Variants in KCNQ1 observed in about 807,000 individuals in gnomAD.
The protein encoded by KCNQ1 is potassium voltage-gated channel subfamily Q member 1, also known as potassium voltage-gated channel subfamily KQT member 1.
KCNQ1 carries 49 observed loss-of-function variants against 72.4 expected under a neutral mutation model. That is an observed-to-expected ratio of 0.68 (90% confidence interval 0.54 to 0.86). The LOEUF (loss-of-function observed/expected upper bound fraction) is 0.86. KCNQ1 is among the 40% of genes least tolerant of loss of function. The pLI, the probability that KCNQ1 is intolerant of heterozygous loss-of-function variation, is 0.00. For missense variants in KCNQ1, 790 were observed against 945.1 expected (o/e 0.84, Z 2.15); for synonymous variants, 450 against 412.6 (o/e 1.09, Z -1.10).
At position 2,579,444 on chromosome 11, in the gene KCNQ1, C is replaced by T. The variant is rs1848467608; in HGVS notation, c.922-3991C>T. On this transcript the variant is annotated intron_variant, in intron 6 of 15. Transcript: ENST00000155840. This position sits in a 1 kb window ranked among gnomAD's most constrained non-coding sequence, Gnocchi z 6.0. ...GGTGCCCTGGCAAGGAGCCACGGCC[C>T]AGGAGACAGACATGTGGATCTGCAT... Among the ~76,000 whole-genome samples the T allele has an allele frequency of 6.6e-6, 1 of 152,210 alleles. No homozygotes were observed. Among genetic ancestry groups the T allele is most frequent in the Non-Finnish European group, 1.5e-5 (1 of 68,038 alleles).
At chr11:2,618,453 A>C (rs1381337975) in intron 10 of KCNQ1, 1 of 398,482 alleles carries the variant, frequency 2.5e-6, no homozygotes, top group East Asian at 3.6e-5. Flanking sequence ...CATTTATGAG[A>C]GAGACTATCT....
intron 10 of KCNQ1, chr11:2,631,660 T>C: frequency 5.0e-6 from 2 of 398,582 alleles, no homozygotes; most frequent in African/African-American, 2.1e-5. Flanking sequence ...CTTGTTACAA[T>C]GAATTGAAAT....
chr11:2,804,824 G>A (rs1847340505), intron 15 of KCNQ1, among the ~76,000 whole-genome samples: 1 of 152,190 alleles, frequency 6.6e-6, no homozygotes, highest in African/African-American at 2.4e-5. Flanking sequence ...AACTGATGCT[G>A]CTGTTCATCC....
Position 2,527,923 on chromosome 11 carries a change from T to A in KCNQ1, c.387-5T>A, listed in dbSNP as rs794728549. On this transcript the variant is annotated splice_polypyrimidine_tract_variant and splice_region_variant and intron_variant, in intron 1 of 15. Coordinates refer to ENST00000155840, the MANE Select transcript of KCNQ1 (RefSeq NM_000218.3). ...GATGCTGACTGCCGTGTCCCTGTCT[T>A]GCAGCTTCCTCATCGTCCTGGTCTG... The A allele has an allele frequency of 1.9e-6, 3 of 1,613,864 alleles. No individual in the cohort carries two copies. Among genetic ancestry groups the A allele is most frequent in the Middle Eastern group, 3.3e-4 (2 of 6,062 alleles).
rs1848319199 is a variant in KCNQ1 at position 2,570,684 on chromosome 11, C to T, written c.534C>T (p.Ala178=). The change falls in exon 3 of 16, where the codon GCC becomes GCT. Residue 178 remains alanine, a synonymous_variant. Transcript: ENST00000155840. ...GTEYVVRLWS[A]GCRSKYVGLW... ...AGTACGTGGTCCGCCTCTGGTCCGC[C>T]GGCTGCCGCAGCAAGTACGTGGGCC... is the stretch of plus-strand genomic sequence containing the variant. 4.3e-6 allele frequency: 7 copies of T among 1,612,484 alleles called. No individual in the cohort carries two copies. Among genetic ancestry groups the T allele is most frequent in the Middle Eastern group, 1.7e-4 (1 of 6,060 alleles).
In KCNQ1 at chr11:2,670,092, CTG is replaced by C. The variant is rs1850153716; in HGVS notation, c.1514+8015_1514+8016del. The C allele has an allele frequency of 2.5e-6, 1 of 398,594 alleles. No individual in the cohort carries two copies. The highest frequency in any genetic ancestry group is 1.3e-4 in the South Asian group (1 of 7,866). 24.7% of individuals were successfully genotyped at this position (398,594 alleles called of 1,614,324 possible). On this transcript the variant is annotated intron_variant, in intron 11 of 15. Coordinates refer to ENST00000155840, the MANE Select transcript of KCNQ1 (RefSeq NM_000218.3). This position sits in a 1 kb window ranked among gnomAD's most constrained non-coding sequence, Gnocchi z 4.9. ...GGGGGTTGGAGGCAGAATCAGTGGA[CTG>C]TGTCTCATGGCAGTCACAGGTGCCC... is the stretch of plus-strand genomic sequence containing the variant.
In KCNQ1 at chr11:2,719,118, C is replaced by T. The variant is rs1207466125; in HGVS notation, c.1515-49726C>T. On this transcript the variant is annotated intron_variant, in intron 11 of 15. Transcript: ENST00000155840. ...CCAACCGCAGAGCACCATCTCCAGCCGTGTGCTCTCGGGTGCAGAGCTGAC... is the reference window on the plus strand; with the variant it reads ...CCAACCGCAGAGCACCATCTCCAGCTGTGTGCTCTCGGGTGCAGAGCTGAC... Among the ~76,000 whole-genome samples the T allele has an allele frequency of 3.3e-5, 5 of 152,278 alleles. No individual in the cohort carries two copies. In the South Asian group the frequency reaches 8.3e-4, roughly 25 times the overall value.
intron 10 of KCNQ1, among the ~76,000 whole-genome samples, chr11:2,604,864 C>T (rs529716706): frequency 1.3e-5 from 2 of 152,298 alleles, no homozygotes; most frequent in African/African-American, 4.8e-5. Flanking sequence ...TTTTGAAGAA[C>T]TGACCAATTA....
chr11:2,496,535 G>T (rs1303166775), intron 1 of KCNQ1, among the ~76,000 whole-genome samples: 5 of 18,046 alleles, frequency 2.8e-4, no homozygotes, highest in Admixed American at 8.8e-4. Flanking sequence ...TCCATTGCTT[G>T]GTAAATATTC....
At chr11:2,609,390 G>A in intron 10 of KCNQ1, 1 of 398,362 alleles carries the variant, frequency 2.5e-6, no homozygotes, top group Non-Finnish European at 4.4e-6. Context: ...AAGATACCTT[G>A]TATTATTTCA....
At chr11:2,718,911 G>C (rs1406059824) in intron 11 of KCNQ1, among the ~76,000 whole-genome samples, 1 of 152,224 alleles carries the variant, frequency 6.6e-6, no homozygotes, top group Non-Finnish European at 1.5e-5. Flanking sequence ...TGCACCTTAA[G>C]GTCAGGAAGT....
rs1849176105 is a variant in KCNQ1 at position 2,621,758 on chromosome 11, CTCTT to C, written c.1393+32909_1393+32912del. 9 of 398,122 alleles carry C rather than the reference CTCTT, an allele frequency of 2.3e-5. No individual in the cohort carries two copies. The South Asian group carries it at 3.8e-4, about 17-fold the overall frequency. 24.7% of individuals were successfully genotyped at this position (398,122 alleles called of 1,614,324 possible). A position where few individuals can be genotyped will look rare whatever the true frequency, so the allele number is the denominator to read the frequency against. On this transcript the variant is annotated intron_variant, in intron 10 of 15. Coordinates refer to ENST00000155840, the MANE Select transcript of KCNQ1 (RefSeq NM_000218.3). This position sits in a 1 kb window ranked among gnomAD's most constrained non-coding sequence, Gnocchi z 5.7. The stretch of plus-strand genomic sequence containing the variant: ...CTCCATTTTCATTTCTGATTTTGTC[CTCTT>C]TCTTAGTCCAAGAGTTTGTTGATTT...
At chr11:2,737,667 C>T (rs191977317) in intron 11 of KCNQ1, among the ~76,000 whole-genome samples, 7 of 152,322 alleles carry the variant, frequency 4.6e-5, no homozygotes, top group East Asian at 3.9e-4. Context: ...CGTGCTGACT[C>T]GGCCCTCGCA....
intron 11 of KCNQ1, among the ~76,000 whole-genome samples, chr11:2,718,317 C>G (rs1220023881): frequency 6.6e-6 from 1 of 152,226 alleles, no homozygotes; most frequent in Non-Finnish European, 1.5e-5. Context: ...CACTCCATCC[C>G]TAGCCCCAGA....
chr11:2,703,444 T>C lies in KCNQ1; in HGVS notation c.1514+41363T>C, dbSNP rs1850853923. 6.6e-6 allele frequency among the ~76,000 whole-genome samples: 1 copy of C among 152,168 alleles called. No individual in the cohort carries two copies. The highest frequency in any genetic ancestry group is 1.5e-5 in the Non-Finnish European group (1 of 68,030). ...TTCCTTGCACTCCCTCCAGCTTTAC[T>C]CTTTGGGGTTCAAAAGGTTCCCTTG... On this transcript the variant is annotated intron_variant, in intron 11 of 15. Transcript: ENST00000155840. This position sits in a 1 kb window ranked among gnomAD's most constrained non-coding sequence, Gnocchi z 6.4.
Position 2,495,386 on chromosome 11 carries a change from A to G in KCNQ1, c.387-32542A>G, listed in dbSNP as rs1846894612. ...TTTCTTGTCTTCTGCTAGCTTTTGA[A>G]TTTGTTTGCTCTTGCTTCTCTAGTT... On this transcript the variant is annotated intron_variant, in intron 1 of 15. Coordinates refer to ENST00000155840, the MANE Select transcript of KCNQ1 (RefSeq NM_000218.3). The surrounding 1 kb of genome is among the most constrained non-coding windows in gnomAD (Gnocchi z 4.6). 1.3e-5 allele frequency among the ~76,000 whole-genome samples: 2 copies of G among 151,756 alleles called. No homozygotes were observed. The highest frequency in any genetic ancestry group is 4.2e-4 in the South Asian group (2 of 4,804).
rs1186019361 is a variant in KCNQ1, at chr11:2,445,023, T to C, written c.-76T>C. On this transcript the variant is annotated 5_prime_UTR_variant, in exon 1 of 16. Transcript: ENST00000155840. Reference sequence around the variant, plus strand: ...GGCTGGCAGCAGTGGCTGCCCGCACTGCGCCCGGGCGCTCGCCTTCGCTGC... The same window carrying C: ...GGCTGGCAGCAGTGGCTGCCCGCACCGCGCCCGGGCGCTCGCCTTCGCTGC... The C allele has an allele frequency of 6.1e-6, 6 of 989,394 alleles. No individual in the cohort carries two copies. Among genetic ancestry groups the C allele is most frequent in the Non-Finnish European group, 7.3e-6 (6 of 826,542 alleles). 61.3% of individuals were successfully genotyped at this position (989,394 alleles called of 1,614,324 possible).
In KCNQ1 at chr11:2,827,709, G is replaced by C. The variant is rs1258949568; in HGVS notation, c.1795-20058G>C. On this transcript the variant is annotated intron_variant, in intron 15 of 15. Coordinates refer to ENST00000155840, the MANE Select transcript of KCNQ1 (RefSeq NM_000218.3). The surrounding 1 kb of genome is among the most constrained non-coding windows in gnomAD (Gnocchi z 6.7). Reference sequence around the variant, plus strand: ...TGCCAGAGGGAAAATTCCACATGTGGCTTGGAGGCCAGACCAGAAGGACTC... The same window carrying C: ...TGCCAGAGGGAAAATTCCACATGTGCCTTGGAGGCCAGACCAGAAGGACTC... 6.6e-6 allele frequency among the ~76,000 whole-genome samples: 1 copy of C among 152,186 alleles called. No individual in the cohort carries two copies. The highest frequency in any genetic ancestry group is 1.5e-5 in the Non-Finnish European group (1 of 68,024).
In KCNQ1 at chr11:2,588,705, T is replaced by C. The variant is rs761247239; in HGVS notation, c.1252-8T>C. 14 of 1,613,368 alleles carry C rather than the reference T, an allele frequency of 8.7e-6. No individual in the cohort carries two copies. Among genetic ancestry groups the C allele is most frequent in the Non-Finnish European group, 1.0e-5 (12 of 1,179,986 alleles). On this transcript the variant is annotated splice_region_variant and splice_polypyrimidine_tract_variant and intron_variant, in intron 9 of 15. Transcript: ENST00000155840. This position sits in a 1 kb window ranked among gnomAD's most constrained non-coding sequence, Gnocchi z 5.6. The stretch of plus-strand genomic sequence containing the variant: ...GGAACCGCTAATCTGTTGTCTTGTT[T>C]TTTTTAGGTAAAGAAAAAAAAGTTC...
Sources: gnomAD v4.1 joint callset for allele counts (sites outside exome capture counted in the v4.1 genomes callset) on GRCh38, gnomAD v4.1.1 for gene constraint, Gnocchi (gnomAD v3.1) non-coding constraint, MANE v1.5 for transcripts, NCBI Gene and HGNC (gene_info 2026-07-23, HGNC 2026-07-21) for gene names.